USH2A: variants seen among roughly 807,000 people sequenced by gnomAD.
USH2A encodes the protein Usher syndrome 2A (autosomal recessive, mild).
USH2A carries 443 observed loss-of-function variants against 538.9 expected under a neutral mutation model. The ratio of observed to expected loss-of-function variants is 0.82; its 90% CI spans 0.76 to 0.89. USH2A has a LOEUF of 0.89. Among genes scored for constraint, USH2A ranks in the 40% least tolerant of loss-of-function variants. The probability of loss-of-function intolerance (pLI) is 0.00; values close to 1 mark genes in which losing one functional copy is unlikely to be tolerated. For missense variants in USH2A, 6,633 were observed against 6,324.8 expected, an observed-to-expected ratio of 1.05 and a Z score of -1.65; for synonymous variants, 2,413 against 2,273.5, an observed-to-expected ratio of 1.06 and a Z score of -1.75.
intron 38 of USH2A, among the ~76,000 whole-genome samples, chr1:215,924,877 G>A (rs953551319): frequency 6.6e-6 from 1 of 151,988 alleles, no homozygotes; most frequent in African/African-American, 2.4e-5. Flanking sequence ...ATCCACATGA[G>A]AGTATGCAAA....
intron 35 of USH2A, among the ~76,000 whole-genome samples, chr1:215,991,933 T>C (rs1312876635): frequency 1.3e-5 from 2 of 152,294 alleles, no homozygotes; most frequent in East Asian, 1.9e-4. Flanking sequence ...TAATATGGTA[T>C]CAAATAGGCA....
At chr1:216,090,238 T>C (rs568417149) in intron 22 of USH2A, among the ~76,000 whole-genome samples, 108 of 152,106 alleles carry the variant, frequency 7.1e-4, no homozygotes, top group African/African-American at 2.5e-3. Context: ...TTGTTTGATG[T>C]AATGGTGCTG....
Position 216,421,980 on chromosome 1 carries a change from G to A in USH2A, c.357C>T (p.Asn119=), listed in dbSNP as rs562750831. 2.2e-5 allele frequency: 35 copies of A among 1,613,806 alleles called. No homozygotes were observed. The highest frequency in any genetic ancestry group is 2.0e-4 in the Admixed American group (12 of 59,924). ...ITPDKNDLHP[N]AHSNSASFIF... ...TAAAACTTGCAGAATTGCTATGGGC[G>A]TTAGGATGCAGATCATTCTTGTCTG... Residue 119 remains asparagine, a synonymous_variant, in exon 2 of 72, where the codon AAC becomes AAT. Coordinates refer to ENST00000307340, the MANE Select transcript of USH2A (RefSeq NM_206933.4).
chr1:216,235,539 C>T (rs2035792809), intron 13 of USH2A, among the ~76,000 whole-genome samples: 1 of 152,086 alleles, frequency 6.6e-6, no homozygotes, highest in African/African-American at 2.4e-5. Flanking sequence ...AAAGAGTCAC[C>T]CATATTGTAA....
intron 54 of USH2A, among the ~76,000 whole-genome samples, chr1:215,781,632 G>A (rs1661638601): frequency 6.6e-6 from 1 of 152,042 alleles, no homozygotes; most frequent in Admixed American, 6.6e-5. Flanking sequence ...TCCGTGCCAG[G>A]CTTTTTTGCC....
chr1:216,049,956 A>C (rs959968075), intron 30 of USH2A, among the ~76,000 whole-genome samples: 3 of 152,124 alleles, frequency 2.0e-5, no homozygotes, highest in African/African-American at 7.2e-5. Flanking sequence ...CCAACGAACT[A>C]ATATACACAC....
intron 21 of USH2A, among the ~76,000 whole-genome samples, chr1:216,164,395 T>G (rs2034126327): frequency 6.6e-6 from 1 of 152,090 alleles, no homozygotes; most frequent in Non-Finnish European, 1.5e-5. Context: ...TGAAAACTAT[T>G]GATAATCTAG....
At chr1:216,089,910 C>T (rs972712276) in intron 22 of USH2A, among the ~76,000 whole-genome samples, 1 of 151,780 alleles carries the variant, frequency 6.6e-6, no homozygotes, top group Non-Finnish European at 1.5e-5. Context: ...GTTATAGTAG[C>T]CTTGGTTACC....
intron 9 of USH2A, among the ~76,000 whole-genome samples, chr1:216,301,098 A>T (rs952220865): frequency 6.6e-6 from 1 of 152,162 alleles, no homozygotes; most frequent in Admixed American, 6.6e-5. Flanking sequence ...TTACAGAGAA[A>T]GTAGAAACTT....
intron 43 of USH2A, among the ~76,000 whole-genome samples, chr1:215,874,564 G>A (rs1002891049): frequency 1.3e-5 from 2 of 152,088 alleles, no homozygotes; most frequent in Non-Finnish European, 2.9e-5. Flanking sequence ...TTTTCTATGC[G>A]TTATAAACAC....
chr1:215,643,580 C>T (rs1344727600), intron 67 of USH2A, among the ~76,000 whole-genome samples: 3 of 150,974 alleles, frequency 2.0e-5, no homozygotes, highest in East Asian at 3.9e-4. Flanking sequence ...GGTTGGAGTG[C>T]AGTGACATGA....
chr1:216,198,223 CA>C, intron 18 of USH2A, 91 bp downstream of exon 18: 1 of 1,579,172 alleles, frequency 6.3e-7, no homozygotes, highest in Non-Finnish European at 8.6e-7. Context: ...TCTTGCTTTT[CA>C]AAATGTACTT....
Position 216,070,115 on chromosome 1 carries a change from G to A in USH2A, c.6035C>T (p.Thr2012Ile). Residue 2012 changes from threonine (T) to isoleucine (I), a missense_variant, in exon 30 of 72, where the codon ACA becomes ATA. Physicochemically the swap from Thr to Ile is moderately conservative, Grantham distance 89. Transcript: ENST00000307340. ...MPSASAEFVN[T>I]SNLTGILTGL... The stretch of plus-strand genomic sequence containing the variant: ...ATTGCATTTACCTGTGAGGTTGCTT[G>A]TATTGACAAATTCAGCACTGGCAGA... 1 of 1,614,002 alleles carries A rather than the reference G, an allele frequency of 6.2e-7. No homozygotes were observed. Among genetic ancestry groups the A allele is most frequent in the Non-Finnish European group, 8.5e-7 (1 of 1,179,908 alleles).
intron 9 of USH2A, among the ~76,000 whole-genome samples, chr1:216,295,956 A>AT (rs539553073): frequency 1.3e-4 from 20 of 150,946 alleles, no homozygotes; most frequent in South Asian, 8.4e-4. Flanking sequence ...AGTCAAAAGC[A>AT]TTTTTTTTTG....
intron 38 of USH2A, among the ~76,000 whole-genome samples, chr1:215,923,705 T>C (rs1039997803): frequency 6.6e-6 from 1 of 151,970 alleles, no homozygotes; most frequent in Non-Finnish European, 1.5e-5. Context: ...GAAGGTATGC[T>C]GGGTGCAAAA....
At chr1:215,630,518 A>G (rs1455425520) in intron 70 of USH2A, among the ~76,000 whole-genome samples, 7 of 106,444 alleles carry the variant, frequency 6.6e-5, no homozygotes, top group Non-Finnish European at 1.4e-4. Flanking sequence ...ATATATATAT[A>G]TATATATATG....
chr1:215,802,183 G>A lies in USH2A; in HGVS notation c.9740-3058C>T, dbSNP rs779398512. 6.5e-4 allele frequency among the ~76,000 whole-genome samples: 98 copies of A among 151,872 alleles called. 1 individual carries two copies. Among genetic ancestry groups the A allele is most frequent in the Non-Finnish European group, 1.2e-3 (83 of 67,950 alleles). On this transcript the variant is annotated intron_variant, in intron 49 of 71. Transcript: ENST00000307340. ...TTACAATTCTTAGACGAAAGCAAAG[G>A]GGAAATTTCATGACATTGGGTCTGC...
In USH2A at chr1:215,888,834, T is replaced by TC. The variant is rs761635706; in HGVS notation, c.7814_7815insG (p.Gly2607ArgfsTer29). ...ACTCTGGTGAAAGGGAACATCCTTT[T>TC]GAAGTGCAGGCTTCTACCTGAAACT... On this transcript the variant is annotated frameshift_variant, in exon 41 of 72. Transcript: ENST00000307340. LOFTEE classifies it high-confidence loss of function. 2 of 1,614,158 alleles carry TC rather than the reference T, an allele frequency of 1.2e-6. No individual in the cohort carries two copies. The highest frequency in any genetic ancestry group is 2.2e-5 in the South Asian group (2 of 91,078).
chr1:215,988,882 G>A (rs926029835), intron 35 of USH2A, among the ~76,000 whole-genome samples: 4 of 152,122 alleles, frequency 2.6e-5, no homozygotes, highest in African/African-American at 9.7e-5. Context: ...TGGGAGACAA[G>A]GAAGAGAACT....
Sources: gnomAD v4.1 joint callset for allele counts (sites outside exome capture counted in the v4.1 genomes callset) on GRCh38, gnomAD v4.1.1 for gene constraint, MANE v1.5 for transcripts, NCBI Gene and HGNC (gene_info 2026-07-23, HGNC 2026-07-21) for gene names.